SGCZ: variants seen among roughly 807,000 people sequenced by gnomAD.
SGCZ encodes zeta-sarcoglycan.
Under a neutral mutation model 41.3 loss-of-function variants are expected in SGCZ, and 40 were observed. That is an observed-to-expected ratio of 0.97 (90% CI 0.75 to 1.26). The LOEUF (loss-of-function observed/expected upper bound fraction) is 1.26. Among genes scored for constraint, SGCZ ranks in the 50% most tolerant of loss-of-function variants. The pLI is 0.00. For missense variants in SGCZ, 552 were observed against 369.8 expected, an observed-to-expected ratio of 1.49 and a Z score of -4.04; for synonymous variants, 206 against 137.5, an observed-to-expected ratio of 1.50 and a Z score of -3.49.
chr8:14,335,445 A>G (rs1802474849), intron 2 of SGCZ, among the ~76,000 whole-genome samples: 1 of 152,072 alleles, frequency 6.6e-6, no homozygotes, highest in African/African-American at 2.4e-5. Context: ...GGTTAATTTC[A>G]TTACAGATGC....
rs1563382199 is a variant in SGCZ at position 14,520,006 on chromosome 8, A to G, written c.234+34726T>C. 4.6e-5 allele frequency among the ~76,000 whole-genome samples: 7 copies of G among 152,210 alleles called. No individual in the cohort carries two copies. In the South Asian group the frequency reaches 1.5e-3, roughly 32 times the overall value. ...AAATATTAAGTTAATTCATCTTTTA[A>G]AACTTTTTTTTAAAAATGATATATT... On this transcript the variant is annotated intron_variant, in intron 2 of 7. Transcript: ENST00000382080.
At chr8:14,935,773 C>T (rs1040465244) in intron 1 of SGCZ, among the ~76,000 whole-genome samples, 2 of 151,420 alleles carry the variant, frequency 1.3e-5, no homozygotes, top group African/African-American at 2.4e-5. Flanking sequence ...ACTGAAATTT[C>T]CAATTATAAA....
chr8:14,364,359 T>C (rs1803626819), intron 2 of SGCZ, among the ~76,000 whole-genome samples: 1 of 152,150 alleles, frequency 6.6e-6, no homozygotes, highest in African/African-American at 2.4e-5. Flanking sequence ...TGCTATTTTT[T>C]TCTGGTCCAC....
intron 2 of SGCZ, among the ~76,000 whole-genome samples, chr8:14,499,844 G>C (rs146052385): frequency 1.3e-5 from 2 of 151,890 alleles, no homozygotes; most frequent in Non-Finnish European, 2.9e-5. Context: ...GTATCCTCAA[G>C]AACAGCTCTC....
intron 3 of SGCZ, among the ~76,000 whole-genome samples, chr8:14,282,095 A>C (rs1800464623): frequency 6.6e-6 from 1 of 151,238 alleles, no homozygotes. Context: ...TATCAAAACA[A>C]GGAATTTAAT....
chr8:15,191,343 C>G lies in SGCZ; in HGVS notation c.39+46242G>C, dbSNP rs138994932. ...ATTCATTTCGTATTCACAAGCATAC[C>G]TAGACCAGGCAGGTAAACTTGTAAC... On this transcript the variant is annotated intron_variant, in intron 1 of 7. Coordinates refer to ENST00000382080, the MANE Select transcript of SGCZ (RefSeq NM_139167.4). Among the ~76,000 whole-genome samples the G allele has an allele frequency of 2.6e-3, 400 of 152,082 alleles. 5 individuals carry two copies. Among genetic ancestry groups the G allele is most frequent in the African/African-American group, 9.3e-3 (384 of 41,422 alleles).
intron 1 of SGCZ, among the ~76,000 whole-genome samples, chr8:14,774,915 A>C (rs1156747345): frequency 6.6e-6 from 1 of 152,190 alleles, no homozygotes; most frequent in African/African-American, 2.4e-5. Context: ...GGCTATATTA[A>C]GGGCCTTTGA....
At chr8:15,078,101 G>A (rs1805606207) in intron 1 of SGCZ, among the ~76,000 whole-genome samples, 1 of 149,796 alleles carries the variant, frequency 6.7e-6, no homozygotes, top group African/African-American at 2.5e-5. Context: ...TGTGTGTGGT[G>A]GCCTGATTTT....
chr8:14,222,538 T>C lies in SGCZ; in HGVS notation c.424+15054A>G, dbSNP rs537227421. On this transcript the variant is annotated intron_variant, in intron 4 of 7. Coordinates refer to ENST00000382080, the MANE Select transcript of SGCZ (RefSeq NM_139167.4). ...ACTTTCATGCATATAAATCAGTAAA[T>C]CCTTCCTTCTGCAGCTTCTGACAGA... Among the ~76,000 whole-genome samples, 4 of 152,154 alleles carry C rather than the reference T, an allele frequency of 2.6e-5. No individual in the cohort carries two copies. The East Asian group carries it at 7.7e-4, about 29-fold the overall frequency.
At chr8:14,604,868 T>C (rs11997822) in intron 1 of SGCZ, among the ~76,000 whole-genome samples, 141,634 of 152,238 alleles carry the variant, frequency 0.93, 66,078 homozygotes, top group South Asian at 0.97. Context: ...GAAGACTTAC[T>C]TTTGATCTCC....
chr8:14,994,258 C>T (rs558174353), intron 1 of SGCZ, among the ~76,000 whole-genome samples: 6 of 152,100 alleles, frequency 3.9e-5, no homozygotes, highest in Non-Finnish European at 8.8e-5. Context: ...ATTACAGTGG[C>T]GGTTCCACAT....
intron 1 of SGCZ, among the ~76,000 whole-genome samples, chr8:14,848,234 C>T (rs1305137615): frequency 6.6e-6 from 1 of 152,064 alleles, no homozygotes; most frequent in Non-Finnish European, 1.5e-5. Context: ...GAAGCCATAG[C>T]TGGTGTTAAT....
At chr8:14,462,193 CA>C (rs1229904273) in intron 2 of SGCZ, among the ~76,000 whole-genome samples, 1 of 151,510 alleles carries the variant, frequency 6.6e-6, no homozygotes, top group Non-Finnish European at 1.5e-5. Flanking sequence ...TAGGATTTGA[CA>C]TTAAGGAATT....
rs144476679 is a variant in SGCZ, at chr8:14,315,617, G to A, written c.336+8486C>T. On this transcript the variant is annotated intron_variant, in intron 3 of 7. Coordinates refer to ENST00000382080, the MANE Select transcript of SGCZ (RefSeq NM_139167.4). ...TTACTTATAAATAAAAAAAGTCAGA[G>A]GATATTATTAGACACATGAGATGTG... Among the ~76,000 whole-genome samples, 755 of 152,028 alleles carry A rather than the reference G, an allele frequency of 5.0e-3. 5 individuals carry two copies. Among genetic ancestry groups the A allele is most frequent in the Admixed American group, 0.01 (154 of 15,236 alleles).
chr8:14,835,036 T>C (rs921306951), intron 1 of SGCZ, among the ~76,000 whole-genome samples: 2 of 152,198 alleles, frequency 1.3e-5, no homozygotes, highest in African/African-American at 2.4e-5. Context: ...GAAACAACTC[T>C]TGTCTAAAAT....
chr8:14,513,063 T>C (rs769678807), intron 2 of SGCZ, among the ~76,000 whole-genome samples: 57 of 152,128 alleles, frequency 3.7e-4, no homozygotes, highest in African/African-American at 9.4e-4. Context: ...GTAAGTCTCA[T>C]AGTCTCACAG....
chr8:15,126,847 C>G (rs941070710), intron 1 of SGCZ, among the ~76,000 whole-genome samples: 5 of 152,126 alleles, frequency 3.3e-5, no homozygotes, highest in African/African-American at 4.8e-5. Context: ...GGTCAGACCT[C>G]TACTCTAGGG....
At chr8:14,175,129 G>T (rs962358239) in intron 4 of SGCZ, among the ~76,000 whole-genome samples, 1 of 152,056 alleles carries the variant, frequency 6.6e-6, no homozygotes, top group Non-Finnish European at 1.5e-5. Flanking sequence ...TATAAAATGT[G>T]TCTTCAATGC....
intron 4 of SGCZ, chr8:14,165,383 C>G (rs1804176913): frequency 1.3e-5 from 2 of 152,236 alleles, no homozygotes; most frequent in Admixed American, 6.5e-5. Context: ...ATTCTACACA[C>G]TGATCTATAC....
Sources: allele counts gnomAD v4.1 joint callset (sites outside exome capture counted in the v4.1 genomes callset), GRCh38; gene constraint gnomAD v4.1.1; transcripts MANE v1.5; gene names NCBI Gene and HGNC (gene_info 2026-07-23, HGNC 2026-07-21).